The following TMPRSS3 variants were observed in gnomAD, a reference collection of about 807,000 sequenced individuals.
The protein encoded by TMPRSS3 is transmembrane serine protease 3.
TMPRSS3 carries 55 observed loss-of-function variants against 59.6 expected under a neutral mutation model. That is an observed-to-expected ratio of 0.92 (90% CI 0.74 to 1.16). The LOEUF is 1.16. TMPRSS3 is among the 50% of genes most tolerant of loss of function. The probability of loss-of-function intolerance (pLI) is 0.00; values close to 1 mark genes in which losing one functional copy is unlikely to be tolerated. For synonymous variants in TMPRSS3, 257 were observed against 237.7 expected (o/e 1.08, Z -0.75); for missense variants, 596 against 579.4 (o/e 1.03, Z -0.29).
Position 42,388,674 on chromosome 21 carries a change from T to A in TMPRSS3, c.323-148A>T. ...CGGCAGCCTCCCCATCACAGAGCAGTGACTCTGGATCCCTGAGACTTCTCG... is the reference window on the plus strand; with the variant it reads ...CGGCAGCCTCCCCATCACAGAGCAGAGACTCTGGATCCCTGAGACTTCTCG... On this transcript the variant is annotated intron_variant, in intron 4 of 12. Transcript: ENST00000644384. This position sits in a 1 kb window ranked among gnomAD's most constrained non-coding sequence, Gnocchi z 5.1. The A allele has an allele frequency of 8.6e-7, 1 of 1,160,626 alleles. No homozygotes were observed. Among genetic ancestry groups the A allele is most frequent in the Non-Finnish European group, 1.3e-6 (1 of 789,674 alleles). 71.9% of individuals were successfully genotyped at this position (1,160,626 alleles called of 1,614,324 possible). A position where few individuals can be genotyped will look rare whatever the true frequency, so the allele number is the denominator to read the frequency against.
chr21:42,383,939 C>T (rs1387523660), intron 7 of TMPRSS3, 31 bp downstream of exon 7: 1 of 1,613,354 alleles, frequency 6.2e-7, no homozygotes, highest in African/African-American at 1.3e-5. Flanking sequence ...TGCTTGCTCC[C>T]CCTGGACCCC....
In TMPRSS3 at chr21:42,383,083, G is replaced by GC; in HGVS notation, c.731dup (p.Ser245LeufsTer17). The GC allele has an allele frequency of 6.2e-7, 1 of 1,614,154 alleles. No homozygotes were observed. Among genetic ancestry groups the GC allele is most frequent in the Non-Finnish European group, 8.5e-7 (1 of 1,180,036 alleles). ...TGATCCACAGGGGCGTGATGACAGA[G>GC]CCCCCGCACAGGTGGTAGCCCTGGA... is the stretch of plus-strand genomic sequence containing the variant. On this transcript the variant is annotated frameshift_variant, in exon 8 of 13. Coordinates refer to ENST00000644384, the MANE Select transcript of TMPRSS3 (RefSeq NM_001256317.3). LOFTEE classifies it high-confidence loss of function.
chr21:42,376,480 C>T (rs946610966), intron 11 of TMPRSS3, 61 bp downstream of exon 11: 16 of 1,607,020 alleles, frequency 1.0e-5, no homozygotes, highest in African/African-American at 8.0e-5. Flanking sequence ...ACGCTGGCAA[C>T]GACCTGTCCC....
Position 42,388,814 on chromosome 21 carries a change from C to A in TMPRSS3, c.322+115G>T. ...TGGGCAAACGCCAGTTCAATCCCAG[C>A]TGAAGACATGACCTAAAAATGGCAA... is the stretch of plus-strand genomic sequence containing the variant. On this transcript the variant is annotated intron_variant, in intron 4 of 12. Coordinates refer to ENST00000644384, the MANE Select transcript of TMPRSS3 (RefSeq NM_001256317.3). The surrounding 1 kb of genome is among the most constrained non-coding windows in gnomAD (Gnocchi z 5.1). 1 of 1,068,206 alleles carries A rather than the reference C, an allele frequency of 9.4e-7. No homozygotes were observed. The allele number at this position is 1,068,206 out of a possible 1,614,324, so 66.2% of individuals were successfully genotyped here.
Position 42,388,327 on chromosome 21 carries a change from C to G in TMPRSS3, c.446+76G>C. On this transcript the variant is annotated intron_variant, in intron 5 of 12. Coordinates refer to ENST00000644384, the MANE Select transcript of TMPRSS3 (RefSeq NM_001256317.3). This position sits in a 1 kb window ranked among gnomAD's most constrained non-coding sequence, Gnocchi z 5.1. ...CGTTAAAGCACCCAATAGTGCCCAA[C>G]TAAATGGTAGTTGTCTTTCTTTATT... is the stretch of plus-strand genomic sequence containing the variant. The G allele has an allele frequency of 6.2e-7, 1 of 1,606,920 alleles. No individual in the cohort carries two copies. Among genetic ancestry groups the G allele is most frequent in the Non-Finnish European group, 8.5e-7 (1 of 1,173,702 alleles).
chr21:42,388,140 G>A lies in TMPRSS3; in HGVS notation c.446+263C>T, dbSNP rs932868157. On this transcript the variant is annotated intron_variant, in intron 5 of 12. Coordinates refer to ENST00000644384, the MANE Select transcript of TMPRSS3 (RefSeq NM_001256317.3). This position sits in a 1 kb window ranked among gnomAD's most constrained non-coding sequence, Gnocchi z 5.1. The stretch of plus-strand genomic sequence containing the variant: ...TCTACTTTGAAACTTTTTATTGCAT[G>A]TTCGTATCTCCGATCCTGGCCTGGC... Among the ~76,000 whole-genome samples, 1 of 152,190 alleles carries A rather than the reference G, an allele frequency of 6.6e-6. No homozygotes were observed. Among genetic ancestry groups the A allele is most frequent in the African/African-American group, 2.4e-5 (1 of 41,450 alleles).
rs1402820993 is a variant in TMPRSS3, at chr21:42,388,746, C to T, written c.322+183G>A. Among the ~76,000 whole-genome samples the T allele has an allele frequency of 6.6e-6, 1 of 152,030 alleles. No individual in the cohort carries two copies. Among genetic ancestry groups the T allele is most frequent in the African/African-American group, 2.4e-5 (1 of 41,426 alleles). On this transcript the variant is annotated intron_variant, in intron 4 of 12. Coordinates refer to ENST00000644384, the MANE Select transcript of TMPRSS3 (RefSeq NM_001256317.3). The surrounding 1 kb of genome is among the most constrained non-coding windows in gnomAD (Gnocchi z 5.1). ...TGTGGTCTCCCCAAGAGAGCCAGAGCTCCATGGAAGGCCCTCCCTGACCCC... is the reference window on the plus strand; with the variant it reads ...TGTGGTCTCCCCAAGAGAGCCAGAGTTCCATGGAAGGCCCTCCCTGACCCC...
chr21:42,382,239 A>C lies in TMPRSS3; in HGVS notation c.783-5T>G. ...CATGACTTGGGGAGGTACAAGCTGA[A>C]ATGAGAAGAGCAAGAGGTGAAGCAC... On this transcript the variant is annotated splice_polypyrimidine_tract_variant and splice_region_variant and intron_variant, in intron 8 of 12. Coordinates refer to ENST00000644384, the MANE Select transcript of TMPRSS3 (RefSeq NM_001256317.3). The C allele has an allele frequency of 6.2e-7, 1 of 1,613,982 alleles. No individual in the cohort carries two copies. Among genetic ancestry groups the C allele is most frequent in the Non-Finnish European group, 8.5e-7 (1 of 1,179,882 alleles).
At chr21:42,392,561 A>G in intron 2 of TMPRSS3, among the ~76,000 whole-genome samples, 1 of 73,344 alleles carries the variant, frequency 1.4e-5, no homozygotes, top group Non-Finnish European at 2.9e-5. Flanking sequence ...AATGTGCTAG[A>G]TGAATGAATG....
rs761851082 is a variant in TMPRSS3, at chr21:42,372,583, G to A, written c.*179C>T. The A allele has an allele frequency of 1.3e-6, 1 of 775,800 alleles. No homozygotes were observed. Among genetic ancestry groups the A allele is most frequent in the Non-Finnish European group, 2.4e-6 (1 of 424,540 alleles). 48.1% of individuals were successfully genotyped at this position (775,800 alleles called of 1,614,324 possible). On this transcript the variant is annotated 3_prime_UTR_variant, in exon 13 of 13. Transcript: ENST00000644384. ...TCAAAAAAACAAAAAACAAAAAGCA[G>A]CTTGAAGGTTGTGCTGGAATCAGAT...
chr21:42,378,712 TTTTTG>T (rs373672951), intron 10 of TMPRSS3, among the ~76,000 whole-genome samples: 1 of 152,074 alleles, frequency 6.6e-6, no homozygotes, highest in Non-Finnish European at 1.5e-5. Flanking sequence ...CTCCACTTTT[TTTTTG>T]TTTTGTTTTG....
At chr21:42,390,530 C>G (rs192173049) in intron 2 of TMPRSS3, 2 of 180,836 alleles carry the variant, frequency 1.1e-5, no homozygotes, top group Non-Finnish European at 2.4e-5. Context: ...GAGTTCAAGA[C>G]AAGCCTGGCC....
intron 12 of TMPRSS3, among the ~76,000 whole-genome samples, chr21:42,374,104 CA>C (rs2052380471): frequency 6.6e-6 from 1 of 152,226 alleles, no homozygotes; most frequent in Admixed American, 6.5e-5. Flanking sequence ...CAGGCTCCCA[CA>C]GCACCCTGAA....
chr21:42,395,280 G>C, intron 2 of TMPRSS3, 44 bp downstream of exon 2: 9 of 1,525,736 alleles, frequency 5.9e-6, no homozygotes, highest in Non-Finnish European at 8.2e-6. Flanking sequence ...ACCTACATGA[G>C]GGTATGGGCA....
At chr21:42,387,594 G>A (rs561991536) in intron 5 of TMPRSS3, among the ~76,000 whole-genome samples, 5 of 152,226 alleles carry the variant, frequency 3.3e-5, no homozygotes, top group South Asian at 2.1e-4. Context: ...AAAGACAGCC[G>A]AGAATATGAT....
chr21:42,385,508 A>G lies in TMPRSS3; in HGVS notation c.473T>C (p.Val158Ala). Reference protein sequence around the residue: ...PSYVSSDNLRVSSLEGQFREE... With the variant: ...PSYVSSDNLRASSLEGQFREE... ...CCGGAACTGCCCCTCCAGCGAGCTC[A>G]CTCTGAGGTTATCTGAACTCACATA... is the stretch of plus-strand genomic sequence containing the variant. The change falls in exon 6 of 13, where the codon GTG becomes GCG. Residue 158 changes from valine to alanine, a missense_variant. Coordinates refer to ENST00000644384, the MANE Select transcript of TMPRSS3 (RefSeq NM_001256317.3). 1 of 1,614,092 alleles carries G rather than the reference A, an allele frequency of 6.2e-7. No homozygotes were observed. The highest frequency in any genetic ancestry group is 1.3e-5 in the African/African-American group (1 of 75,016).
chr21:42,378,421 T>G (rs1302514092), intron 10 of TMPRSS3, among the ~76,000 whole-genome samples: 1 of 152,170 alleles, frequency 6.6e-6, no homozygotes, highest in Non-Finnish European at 1.5e-5. Flanking sequence ...TCTTTGCAGA[T>G]GTAATTAAGG....
chr21:42,372,881 G>A (rs2052359052), intron 12 of TMPRSS3, 102 bp from the exon 13 acceptor site: 2 of 1,414,670 alleles, frequency 1.4e-6, no homozygotes, highest in Admixed American at 3.4e-5. Flanking sequence ...GGGAATTGTG[G>A]GGCTGTTCTC....
At chr21:42,377,064 G>C (rs941418271) in intron 10 of TMPRSS3, among the ~76,000 whole-genome samples, 1 of 152,208 alleles carries the variant, frequency 6.6e-6, no homozygotes, top group Non-Finnish European at 1.5e-5. Flanking sequence ...AGGCTCAGGA[G>C]GGTCACTCAC....
Sources: allele counts gnomAD v4.1 joint callset (sites outside exome capture counted in the v4.1 genomes callset), GRCh38; gene constraint gnomAD v4.1.1; non-coding constraint Gnocchi (gnomAD v3.1); transcripts MANE v1.5; gene names NCBI Gene and HGNC (gene_info 2026-07-23, HGNC 2026-07-21).